The following CYBB variants were observed in gnomAD, a reference collection of about 807,000 sequenced individuals.
CYBB encodes cytochrome b-245 beta chain, also known as NADPH oxidase 2.
In CYBB, 5 loss-of-function variants were observed where a neutral mutation model predicts 46.5. That is an observed-to-expected ratio of 0.11 (90% CI 0.06 to 0.23). The LOEUF (loss-of-function observed/expected upper bound fraction) is 0.23, where lower values mean the gene tolerates loss of function less well. Among genes scored for constraint, CYBB ranks in the 10% least tolerant of loss-of-function variants. The pLI is 1.00. For missense variants in CYBB, 307 were observed against 428.3 expected, an observed-to-expected ratio of 0.72 and a Z score of 2.50; for synonymous variants, 183 against 156.7, an observed-to-expected ratio of 1.17 and a Z score of -1.26.
At chrX:37,808,717 A>G (rs1190235721) in intron 11 of CYBB, among the ~76,000 whole-genome samples, 1 of 112,789 alleles carries the variant, frequency 8.9e-6, no homozygotes, top group Non-Finnish European at 1.9e-5. Context: ...AATAAAACTC[A>G]GGAAAAAAAT....
intron 8 of CYBB, among the ~76,000 whole-genome samples, chrX:37,802,506 C>T (rs782175623): frequency 3.6e-5 from 4 of 111,959 alleles, no homozygotes; most frequent in Non-Finnish European, 7.5e-5. Context: ...TATTTAGTTA[C>T]ATCTCATTTG....
chrX:37,801,013 T>A lies in CYBB; in HGVS notation c.805-243T>A, dbSNP rs185129426. 1.4e-4 allele frequency among the ~76,000 whole-genome samples: 16 copies of A among 112,214 alleles called. No homozygotes were observed. The East Asian group carries it at 4.5e-3, about 32-fold the overall frequency. ...TGTGAGGAGTTCCTCTTGGGAAAGT[T>A]TTATCTTGTCAGTACAGTTCCCCAT... On this transcript the variant is annotated intron_variant, in intron 7 of 12. Transcript: ENST00000378588.
At position 37,813,180 on chromosome X, in the gene CYBB, A is replaced by G. The variant is rs1182897619; in HGVS notation, c.*2263A>G. ...TTATTCTCTCAAGCCACCAGCTGCC[A>G]GCCACCAGCAGCCAGCTGCCAGCCT... On this transcript the variant is annotated 3_prime_UTR_variant, in exon 13 of 13. Coordinates refer to ENST00000378588, the MANE Select transcript of CYBB (RefSeq NM_000397.4). 2.9e-5 allele frequency: 3 copies of G among 104,190 alleles called. No homozygotes were observed. The highest frequency in any genetic ancestry group is 1.1e-4 in the African/African-American group (3 of 28,260). 8.6% of individuals were successfully genotyped at this position (104,190 alleles called of 1,213,427 possible).
chrX:37,782,273 C>A lies in CYBB; in HGVS notation c.141+90C>A, dbSNP rs4422908. The A allele has an allele frequency of 0.21, 132,392 of 638,345 alleles. 14,459 individuals carry two copies. The highest frequency in any genetic ancestry group is 0.7 in the African/African-American group (32,196 of 45,799). 52.6% of individuals were successfully genotyped at this position (638,345 alleles called of 1,213,427 possible). A position where few individuals can be genotyped will look rare whatever the true frequency, so the allele number is the denominator to read the frequency against. On this transcript the variant is annotated intron_variant, in intron 2 of 12. Coordinates refer to ENST00000378588, the MANE Select transcript of CYBB (RefSeq NM_000397.4). Reference sequence around the variant, plus strand: ...CATCTTCCTGTTAGCATTTTAAATACATATTCTGACCAACCCAAACAGTAC... The same window carrying A: ...CATCTTCCTGTTAGCATTTTAAATAAATATTCTGACCAACCCAAACAGTAC...
At chrX:37,796,680 G>A (rs1556468558) in intron 6 of CYBB, among the ~76,000 whole-genome samples, 1 of 111,993 alleles carries the variant, frequency 8.9e-6, no homozygotes, top group African/African-American at 3.2e-5. Context: ...AATGAAAGTA[G>A]CAGCTAACTT....
At chrX:37,799,893 T>C (rs1556469437) in intron 7 of CYBB, among the ~76,000 whole-genome samples, 3 of 111,466 alleles carry the variant, frequency 2.7e-5, no homozygotes, top group Non-Finnish European at 5.7e-5. Flanking sequence ...TATTTTTTTT[T>C]CCTTAGGCAC....
At chrX:37,782,743 A>G (rs1928977466) in intron 2 of CYBB, among the ~76,000 whole-genome samples, 1 of 111,698 alleles carries the variant, frequency 9.0e-6, no homozygotes, top group African/African-American at 3.3e-5. Flanking sequence ...TTGAACTGTC[A>G]GGCCTCTTGC....
At chrX:37,797,440 C>T (rs1929337554) in intron 6 of CYBB, among the ~76,000 whole-genome samples, 1 of 111,660 alleles carries the variant, frequency 9.0e-6, no homozygotes. Flanking sequence ...ATGTTTATCT[C>T]CTTCTCCACT....
chrX:37,806,195 C>A (rs1653393788), intron 10 of CYBB, among the ~76,000 whole-genome samples, 192 bp from the exon 11 acceptor site: 1 of 111,566 alleles, frequency 9.0e-6, no homozygotes, highest in African/African-American at 3.3e-5. Flanking sequence ...TATTTACTGC[C>A]CTGCTAGAGT....
In CYBB at chrX:37,801,300, G is replaced by T; in HGVS notation, c.849G>T (p.Glu283Asp). 1 of 1,209,497 alleles carries T rather than the reference G, an allele frequency of 8.3e-7. No homozygotes were observed. Among genetic ancestry groups the T allele is most frequent in the Non-Finnish European group, 1.1e-6 (1 of 893,783 alleles). ...GTCCCATGTTTCTGTATCTCTGTGA[G>T]AGGTTGGTGCGGTTTTGGCGATCTC... ...IVGPMFLYLC[E>D]RLVRFWRSQQ... is the part of the protein sequence containing the mutation. Residue 283 changes from glutamate (E) to aspartate (D), a missense_variant, in exon 8 of 13, where the codon GAG (glutamate) becomes GAT (aspartate). Around this residue, in one of 3 missense-constraint regions of CYBB, gnomAD observed 82 missense variants for 69.9 expected, o/e 1.17. Transcript: ENST00000378588.
At chrX:37,789,485 AAGAAAGAAAG>A in intron 3 of CYBB, among the ~76,000 whole-genome samples, 1 of 105,894 alleles carries the variant, frequency 9.4e-6, no homozygotes, top group African/African-American at 3.5e-5. Flanking sequence ...GAAAGAAAGA[AAGAAAGAAAG>A]AGAAAGAAAG....
chrX:37,805,207 A>AC (rs781880156), intron 10 of CYBB, 39 bp downstream of exon 10: 218 of 1,182,083 alleles, frequency 1.8e-4, no homozygotes, highest in Middle Eastern at 2.3e-4. Context: ...TAGAGCAGTA[A>AC]CCATACTCTG....
chrX:37,787,993 G>A (rs1929109241), intron 3 of CYBB, among the ~76,000 whole-genome samples: 1 of 111,672 alleles, frequency 9.0e-6, no homozygotes, highest in Non-Finnish European at 1.9e-5. Flanking sequence ...TAATATATGT[G>A]TTTTACATTA....
intron 11 of CYBB, 135 bp downstream of exon 11, chrX:37,806,668 C>G (rs1256975825): frequency 1.7e-6 from 1 of 600,484 alleles, no homozygotes; most frequent in African/African-American, 2.2e-5. Context: ...GGTCCATTCA[C>G]TCTCATTTAG....
chrX:37,813,080 G>C lies in CYBB; in HGVS notation c.*2163G>C, dbSNP rs1189933244. 1 of 111,479 alleles carries C rather than the reference G, an allele frequency of 9.0e-6. No individual in the cohort carries two copies. The highest frequency in any genetic ancestry group is 9.6e-5 in the Admixed American group (1 of 10,460). The allele number at this position is 111,479 out of a possible 1,213,427, so 9.2% of individuals were successfully genotyped here. ...ACCAACTAAGTTATGAAAGTAGAGAGATCTGCCCTGTGTTATCCAGTTATG... is the reference window on the plus strand; with the variant it reads ...ACCAACTAAGTTATGAAAGTAGAGACATCTGCCCTGTGTTATCCAGTTATG... On this transcript the variant is annotated 3_prime_UTR_variant, in exon 13 of 13. Transcript: ENST00000378588.
rs375346967 is a variant in CYBB, at chrX:37,791,982, C to T, written c.260C>T (p.Ser87Leu). ...SFLRGSSACCSTRVRRQLDRN... is the reference protein window; with the variant it reads ...SFLRGSSACCLTRVRRQLDRN... ...TTCCCCCTTAATCCAAAGTGCTGCT[C>T]AACAAGAGTTCGAAGACAACTGGAC... The change falls in exon 4 of 13, where the codon TCA (serine) becomes TTA (leucine). Residue 87 changes from serine (S) to leucine (L), a missense_variant. Coordinates refer to ENST00000378588, the MANE Select transcript of CYBB (RefSeq NM_000397.4). 1.9e-5 allele frequency: 23 copies of T among 1,202,086 alleles called. No individual in the cohort carries two copies. Among genetic ancestry groups the T allele is most frequent in the Non-Finnish European group, 2.6e-5 (23 of 888,191 alleles).
Position 37,811,903 on chromosome X carries a change from C to T in CYBB, c.*986C>T, listed in dbSNP as rs936198399. ...CATGACTCTGGCTCATCTAGTCCTG[C>T]TCCTTGTGCTATAAAATAAATGCAG... On this transcript the variant is annotated 3_prime_UTR_variant, in exon 13 of 13. Coordinates refer to ENST00000378588, the MANE Select transcript of CYBB (RefSeq NM_000397.4). 1 of 111,483 alleles carries T rather than the reference C, an allele frequency of 9.0e-6. No individual in the cohort carries two copies. Among genetic ancestry groups the T allele is most frequent in the Admixed American group, 9.5e-5 (1 of 10,483 alleles). 9.2% of individuals were successfully genotyped at this position (111,483 alleles called of 1,213,427 possible). A position where few individuals can be genotyped will look rare whatever the true frequency, so the allele number is the denominator to read the frequency against.
At chrX:37,789,023 T>C (rs1556466209) in intron 3 of CYBB, among the ~76,000 whole-genome samples, 1 of 111,227 alleles carries the variant, frequency 9.0e-6, no homozygotes, top group Admixed American at 9.6e-5. Context: ...CTCATTCTTG[T>C]TGGCAGAATT....
rs1929677417 is a variant in CYBB at position 37,811,622 on chromosome X, A to G, written c.*705A>G. 2 of 112,297 alleles carry G rather than the reference A, an allele frequency of 1.8e-5. No homozygotes were observed. The highest frequency in any genetic ancestry group is 9.2e-3 in the Middle Eastern group (2 of 217). 9.3% of individuals were successfully genotyped at this position (112,297 alleles called of 1,213,427 possible). A position where few individuals can be genotyped will look rare whatever the true frequency, so the allele number is the denominator to read the frequency against. ...TACCACTGTGCTTGGCAGAGAGCGG[A>G]TACTCAAGTAAGTTTTGTTAAATGA... On this transcript the variant is annotated 3_prime_UTR_variant, in exon 13 of 13. Transcript: ENST00000378588.
Sources: allele counts gnomAD v4.1 joint callset (sites outside exome capture counted in the v4.1 genomes callset), GRCh38; gene constraint gnomAD v4.1.1; regional missense constraint gnomAD v4.1.1; transcripts MANE v1.5; gene names NCBI Gene and HGNC (gene_info 2026-07-23, HGNC 2026-07-21).